HYDIN: variants seen among roughly 807,000 people sequenced by gnomAD.
The protein encoded by HYDIN is HYDIN axonemal central pair apparatus protein, also known as axonemal central pair apparatus protein HYDIN.
In HYDIN, 132 loss-of-function variants were observed where a neutral mutation model predicts 403.9. The observed-to-expected ratio is 0.33, with a 90% CI of 0.28 to 0.38. HYDIN has a LOEUF of 0.38. Among genes scored for constraint, HYDIN ranks in the 10% least tolerant of loss-of-function variants. The probability of loss-of-function intolerance (pLI) is 1.00; values close to 1 mark genes in which losing one functional copy is unlikely to be tolerated. For synonymous variants in HYDIN, 1,202 were observed against 1,891.7 expected, an observed-to-expected ratio of 0.64 and a Z score of 9.46; for missense variants, 2,827 against 5,009.5, an observed-to-expected ratio of 0.56 and a Z score of 13.15.
chr16:70,847,118 A>C (rs554428918), intron 75 of HYDIN, among the ~76,000 whole-genome samples: 1 of 151,480 alleles, frequency 6.6e-6, no homozygotes. Flanking sequence ...TCGTTAGTTG[A>C]TGCAGTTTCT....
chr16:71,202,208 C>T (rs1228320286), intron 1 of HYDIN, among the ~76,000 whole-genome samples: 1 of 152,196 alleles, frequency 6.6e-6, no homozygotes, highest in Admixed American at 6.5e-5. Context: ...TCAACTATTA[C>T]AGACACATGC....
intron 64 of HYDIN, among the ~76,000 whole-genome samples, chr16:70,872,706 C>T (rs1435104961): frequency 6.4e-5 from 8 of 125,316 alleles, no homozygotes; most frequent in African/African-American, 2.9e-4. Context: ...CCCTACCCAC[C>T]CATCCATCCA....
chr16:70,952,663 A>G (rs1341271843), intron 40 of HYDIN, 28 bp from the exon 41 acceptor site: 1 of 1,419,530 alleles, frequency 7.0e-7, no homozygotes, highest in East Asian at 2.5e-5. Flanking sequence ...ATTTTTATTA[A>G]AAGTCACCTT....
intron 9 of HYDIN, 127 bp from the exon 10 acceptor site, chr16:71,115,922 C>T (rs2084009330): frequency 1.0e-5 from 6 of 594,478 alleles, no homozygotes; most frequent in Admixed American, 8.8e-5. Flanking sequence ...AGGTATACAA[C>T]ATGTTTTGAT....
intron 10 of HYDIN, among the ~76,000 whole-genome samples, chr16:71,097,647 G>A (rs2083313183): frequency 7.0e-6 from 1 of 143,004 alleles, no homozygotes; most frequent in African/African-American, 2.8e-5. Context: ...TAGTATTTAC[G>A]GGTTCTTTCT....
In HYDIN at chr16:70,863,197, G is replaced by C. The variant is rs373772540; in HGVS notation, c.11472-15C>G. 1 of 1,610,614 alleles carries C rather than the reference G, an allele frequency of 6.2e-7. No individual in the cohort carries two copies. Among genetic ancestry groups the C allele is most frequent in the Non-Finnish European group, 8.5e-7 (1 of 1,178,812 alleles). On this transcript the variant is annotated splice_polypyrimidine_tract_variant and intron_variant, in intron 67 of 85. Coordinates refer to ENST00000393567, the MANE Select transcript of HYDIN (RefSeq NM_001270974.2). ...TCACATCGAACCTGCAAATCGATCA[G>C]GGAGCAGATTTGAGAAATGTGCTGC...
intron 73 of HYDIN, among the ~76,000 whole-genome samples, chr16:70,853,303 G>GT (rs1043118594): frequency 2.6e-5 from 4 of 151,256 alleles, no homozygotes; most frequent in African/African-American, 7.3e-5. Context: ...CATTTTCACC[G>GT]TTTTTTTTCT....
chr16:71,180,904 T>C (rs538404838), intron 3 of HYDIN, among the ~76,000 whole-genome samples: 1 of 152,210 alleles, frequency 6.6e-6, no homozygotes, highest in South Asian at 2.1e-4. Flanking sequence ...TCAAAACCAA[T>C]TCTATTTTTA....
intron 20 of HYDIN, among the ~76,000 whole-genome samples, chr16:71,026,720 G>A (rs2080715605): frequency 1.3e-5 from 2 of 152,244 alleles, no homozygotes; most frequent in Admixed American, 6.5e-5. Flanking sequence ...CGTTTTACCT[G>A]AAAATGCTCT....
chr16:70,879,118 T>C (rs1436922151), intron 62 of HYDIN, among the ~76,000 whole-genome samples, 179 bp downstream of exon 62: 1 of 150,352 alleles, frequency 6.7e-6, no homozygotes, highest in Non-Finnish European at 1.5e-5. Flanking sequence ...GGTTTCTTAC[T>C]TTCCTTGAGG....
At chr16:70,837,117 C>A (rs1162649694) in intron 77 of HYDIN, among the ~76,000 whole-genome samples, 1 of 152,148 alleles carries the variant, frequency 6.6e-6, no homozygotes, top group Non-Finnish European at 1.5e-5. Context: ...TTACTAGACA[C>A]AAGAAGGAAA....
chr16:70,957,428 A>C (rs1414634759), intron 39 of HYDIN, among the ~76,000 whole-genome samples: 1 of 151,596 alleles, frequency 6.6e-6, no homozygotes, highest in South Asian at 2.1e-4. Context: ...CCGGGTTCAA[A>C]TGATTCTCCT....
At chr16:71,057,399 A>G (rs1481112175) in intron 18 of HYDIN, among the ~76,000 whole-genome samples, 8 of 152,234 alleles carry the variant, frequency 5.3e-5, no homozygotes, top group Admixed American at 2.0e-4. Flanking sequence ...ATAAATAATG[A>G]TGATAAATGG....
intron 18 of HYDIN, among the ~76,000 whole-genome samples, chr16:71,056,754 G>A (rs1291226322): frequency 6.6e-6 from 1 of 152,164 alleles, no homozygotes; most frequent in Admixed American, 6.5e-5. Context: ...AATAGGCTTG[G>A]GGAATAAACT....
At chr16:70,954,561 T>C (rs2078172928) in intron 40 of HYDIN, among the ~76,000 whole-genome samples, 1 of 151,916 alleles carries the variant, frequency 6.6e-6, no homozygotes, top group South Asian at 2.1e-4. Flanking sequence ...CTGTGTTCCC[T>C]ATCTAGGTAC....
intron 13 of HYDIN, among the ~76,000 whole-genome samples, chr16:71,074,720 A>AAAG (rs1463527239): frequency 2.7e-5 from 4 of 150,876 alleles, no homozygotes; most frequent in African/African-American, 9.8e-5. Flanking sequence ...AAAAAAAAAA[A>AAAG]AAAAAAAAGA....
At chr16:71,195,171 GATA>G (rs2087628567) in intron 1 of HYDIN, among the ~76,000 whole-genome samples, 1 of 151,526 alleles carries the variant, frequency 6.6e-6, no homozygotes, top group African/African-American at 2.4e-5. Flanking sequence ...GATTAAATGA[GATA>G]ATGTTTGTAA....
rs927307601 is a variant in HYDIN at position 71,086,576 on chromosome 16, A to G, written c.1670+1725T>C. 2.0e-5 allele frequency among the ~76,000 whole-genome samples: 3 copies of G among 151,736 alleles called. No individual in the cohort carries two copies. In the East Asian group the frequency reaches 5.8e-4, roughly 29 times the overall value. ...ATCCTATACTTTCCTTCCTACAGATAGGGCCATTATTCCTTCTATCTTAAA... is the reference window on the plus strand; with the variant it reads ...ATCCTATACTTTCCTTCCTACAGATGGGGCCATTATTCCTTCTATCTTAAA... On this transcript the variant is annotated intron_variant, in intron 12 of 85. Coordinates refer to ENST00000393567, the MANE Select transcript of HYDIN (RefSeq NM_001270974.2).
chr16:71,126,069 C>T (rs1376308145), intron 9 of HYDIN, among the ~76,000 whole-genome samples: 5 of 151,978 alleles, frequency 3.3e-5, no homozygotes, highest in Non-Finnish European at 7.4e-5. Flanking sequence ...TTCTCTTGAA[C>T]CAGTATTTCT....
Sources: allele counts gnomAD v4.1 joint callset (sites outside exome capture counted in the v4.1 genomes callset), GRCh38; gene constraint gnomAD v4.1.1; transcripts MANE v1.5; gene names NCBI Gene and HGNC (gene_info 2026-07-23, HGNC 2026-07-21).